Variants in RYR3 observed in about 807,000 individuals in gnomAD.
RYR3 encodes the protein ryanodine receptor 3.
In RYR3, 207 loss-of-function variants were observed where a neutral mutation model predicts 584.3. The observed-to-expected ratio is 0.35, with a 90% CI of 0.32 to 0.40. The LOEUF is 0.40. Among genes scored for constraint, RYR3 ranks in the 10% least tolerant of loss-of-function variants. The pLI is 1.00. For missense variants in RYR3, 5,616 were observed against 6,089.2 expected (o/e 0.92, Z 2.59); for synonymous variants, 2,416 against 2,248.5 (o/e 1.07, Z -2.11).
chr15:33,825,920 G>A (rs572077253), intron 82 of RYR3: 146 of 498,996 alleles, frequency 2.9e-4, no homozygotes, highest in African/African-American at 2.6e-3. Context: ...TTTTAGTAGA[G>A]GCAGCATTTC....
intron 2 of RYR3, among the ~76,000 whole-genome samples, chr15:33,491,811 G>A (rs2050986903): frequency 6.6e-6 from 1 of 152,180 alleles, no homozygotes; most frequent in Non-Finnish European, 1.5e-5. Flanking sequence ...TGAGTGATGG[G>A]TTGAATTCAA....
chr15:33,723,828 C>T (rs185257370), intron 44 of RYR3, among the ~76,000 whole-genome samples: 26 of 152,284 alleles, frequency 1.7e-4, no homozygotes, highest in African/African-American at 5.8e-4. Context: ...CAGCTCATGT[C>T]GGTACTCATG....
chr15:33,581,768 C>T (rs2058606047), intron 14 of RYR3, 125 bp downstream of exon 14: 1 of 804,762 alleles, frequency 1.2e-6, no homozygotes, highest in Non-Finnish European at 2.0e-6. Flanking sequence ...CCTTAGAAGT[C>T]TTTTGTTAAC....
In RYR3 at chr15:33,709,462, G is replaced by A. The variant is rs892831591; in HGVS notation, c.6619+2408G>A. Among the ~76,000 whole-genome samples, 6 of 152,220 alleles carry A rather than the reference G, an allele frequency of 3.9e-5. No individual in the cohort carries two copies. In the East Asian group the frequency reaches 1.2e-3, roughly 29 times the overall value. On this transcript the variant is annotated intron_variant, in intron 43 of 103. Coordinates refer to ENST00000634891, the MANE Select transcript of RYR3 (RefSeq NM_001036.6). ...GGAAACCTAGTGCTATTGTTTAAAT[G>A]TGTCCCCTAAAAAGCATGTTTTAGA...
At chr15:33,395,490 T>G (rs2042244193) in intron 1 of RYR3, among the ~76,000 whole-genome samples, 1 of 152,204 alleles carries the variant, frequency 6.6e-6, no homozygotes, top group Admixed American at 6.5e-5. Flanking sequence ...ATTTCTGAAA[T>G]GTCAGCCCGG....
rs944444272 is a variant in RYR3, at chr15:33,516,264, G to GC, written c.279+12534dup. Among the ~76,000 whole-genome samples, 110 of 150,578 alleles carry GC rather than the reference G, an allele frequency of 7.3e-4. No homozygotes were observed. The East Asian group carries it at 9.6e-3, about 13-fold the overall frequency. On this transcript the variant is annotated intron_variant, in intron 3 of 103. Transcript: ENST00000634891. ...AGGTTCTAGCATGAAACAGAGGCAT[G>GC]CCCCCCCCGAAATGATCCTGTTTTT... is the stretch of plus-strand genomic sequence containing the variant.
At chr15:33,768,969 C>G in intron 61 of RYR3, 143 bp from the exon 62 acceptor site, 1 of 713,154 alleles carries the variant, frequency 1.4e-6, no homozygotes, top group Non-Finnish European at 2.5e-6. Context: ...GAAATTAATG[C>G]ATTGTCGCTG....
intron 1 of RYR3, among the ~76,000 whole-genome samples, chr15:33,401,475 C>T (rs1049042094): frequency 2.0e-5 from 3 of 152,174 alleles, no homozygotes; most frequent in Non-Finnish European, 4.4e-5. Context: ...CACTATTCAG[C>T]GCCTATCACT....
chr15:33,489,155 T>A (rs975914891), intron 2 of RYR3, among the ~76,000 whole-genome samples: 1 of 152,082 alleles, frequency 6.6e-6, no homozygotes, highest in African/African-American at 2.4e-5. Flanking sequence ...ATGCCTACAA[T>A]TTTTTTTAGA....
At chr15:33,614,129 A>G (rs2060332708) in intron 19 of RYR3, among the ~76,000 whole-genome samples, 1 of 152,226 alleles carries the variant, frequency 6.6e-6, no homozygotes, top group Non-Finnish European at 1.5e-5. Flanking sequence ...CTCATTTTGT[A>G]ATAAAATCTA....
chr15:33,496,278 C>A (rs2051413499), intron 2 of RYR3, among the ~76,000 whole-genome samples: 1 of 152,188 alleles, frequency 6.6e-6, no homozygotes, highest in Admixed American at 6.5e-5. Context: ...GAGTTCATCT[C>A]CACCTTCTAC....
chr15:33,604,214 A>T (rs976190392), intron 18 of RYR3, among the ~76,000 whole-genome samples: 45 of 152,370 alleles, frequency 3.0e-4, no homozygotes, highest in Admixed American at 2.6e-3. Flanking sequence ...CATGACACAC[A>T]TTCTTCCTCA....
At chr15:33,755,043 G>T (rs2071677238) in intron 57 of RYR3, 22 bp from the exon 58 acceptor site, 1 of 1,375,992 alleles carries the variant, frequency 7.3e-7, no homozygotes, top group East Asian at 2.3e-5. Flanking sequence ...TACTTCCTGG[G>T]GTCTGTCCAT....
chr15:33,755,288 G>T (rs1203512810), intron 58 of RYR3, 108 bp downstream of exon 58: 3 of 736,080 alleles, frequency 4.1e-6, no homozygotes, highest in Non-Finnish European at 6.8e-6. Flanking sequence ...TGATTTTAGG[G>T]GGAAAACAGT....
At chr15:33,659,939 C>T in intron 33 of RYR3, 133 bp downstream of exon 33, 2 of 677,584 alleles carry the variant, frequency 3.0e-6, no homozygotes, top group South Asian at 1.8e-5. Context: ...CCAGGCCCTG[C>T]CCTTTCCTGT....
chr15:33,352,755 C>A (rs1973448701), intron 1 of RYR3, among the ~76,000 whole-genome samples: 2 of 152,150 alleles, frequency 1.3e-5, no homozygotes, highest in African/African-American at 4.8e-5. Context: ...TTGACTACTA[C>A]AAATAGCTTT....
At chr15:33,801,031 G>C (rs1453744453) in intron 68 of RYR3, among the ~76,000 whole-genome samples, 174 bp downstream of exon 68, 1 of 152,228 alleles carries the variant, frequency 6.6e-6, no homozygotes, top group Non-Finnish European at 1.5e-5. Context: ...ATGTGCCCAA[G>C]GTGGTTGGGT....
At chr15:33,770,277 A>G (rs1212846692) in intron 62 of RYR3, among the ~76,000 whole-genome samples, 1 of 152,186 alleles carries the variant, frequency 6.6e-6, no homozygotes, top group Non-Finnish European at 1.5e-5. Context: ...TGGCTATAAA[A>G]AAGGAGGAGA....
rs1159170051 is a variant in RYR3 at position 33,390,107 on chromosome 15, T to C, written c.51+79011T>C. Among the ~76,000 whole-genome samples the C allele has an allele frequency of 6.6e-6, 1 of 152,214 alleles. No individual in the cohort carries two copies. Among genetic ancestry groups the C allele is most frequent in the Admixed American group, 6.5e-5 (1 of 15,286 alleles). On this transcript the variant is annotated intron_variant, in intron 1 of 103. Transcript: ENST00000634891. This position sits in a 1 kb window ranked among gnomAD's most constrained non-coding sequence, Gnocchi z 4.2. ...AATGAAATTTATGTCGCCGGATGAA[T>C]TGGCTTCACTGCTGGAAATCTGTAC...
Sources: allele counts gnomAD v4.1 joint callset (sites outside exome capture counted in the v4.1 genomes callset), GRCh38; gene constraint gnomAD v4.1.1; non-coding constraint Gnocchi (gnomAD v3.1); transcripts MANE v1.5; gene names NCBI Gene and HGNC (gene_info 2026-07-23, HGNC 2026-07-21).